SPATA18: variants seen among roughly 807,000 people sequenced by gnomAD.
SPATA18 encodes mitochondria-eating protein.
In SPATA18, 54 loss-of-function variants were observed where a neutral mutation model predicts 68.1. That is an observed-to-expected ratio of 0.79 (90% confidence interval 0.64 to 0.99). The LOEUF is 0.99. SPATA18 is among the 50% of genes least tolerant of loss of function. SPATA18 has a pLI of 0.00. For missense variants in SPATA18, 724 were observed against 681.1 expected (o/e 1.06, Z -0.70); for synonymous variants, 242 against 244.8 (o/e 0.99, Z 0.11).
At chr4:52,085,749 T>A (rs1303131837) in intron 11 of SPATA18, among the ~76,000 whole-genome samples, 1 of 150,906 alleles carries the variant, frequency 6.6e-6, no homozygotes, top group Non-Finnish European at 1.5e-5. Context: ...AACAAAAAAT[T>A]CCCCCCCAAA....
intron 1 of SPATA18, among the ~76,000 whole-genome samples, chr4:52,054,700 G>C (rs139186300): frequency 2.0e-5 from 3 of 151,934 alleles, no homozygotes; most frequent in African/African-American, 7.3e-5. Context: ...CCTATGGTCC[G>C]TGATCTCTTA....
At chr4:52,076,705 G>A in intron 6 of SPATA18, 74 bp from the exon 7 acceptor site, 5 of 1,580,088 alleles carry the variant, frequency 3.2e-6, no homozygotes, top group Non-Finnish European at 4.3e-6. Context: ...GGATTCATTG[G>A]CCACCAGATG....
At chr4:52,081,156 A>G (rs752227761) in intron 9 of SPATA18, among the ~76,000 whole-genome samples, 3 of 152,194 alleles carry the variant, frequency 2.0e-5, no homozygotes, top group Non-Finnish European at 4.4e-5. Flanking sequence ...GGAGAGTGCC[A>G]TTCAGAACCA....
chr4:52,051,939 G>C (rs549959356), intron 1 of SPATA18, 148 bp downstream of exon 1: 2 of 722,100 alleles, frequency 2.8e-6, no homozygotes, highest in African/African-American at 1.7e-5. Context: ...CTTTCGACCG[G>C]GATCGCTGGG....
intron 11 of SPATA18, among the ~76,000 whole-genome samples, chr4:52,091,669 C>T (rs1177955179): frequency 6.6e-6 from 1 of 152,202 alleles, no homozygotes. Context: ...GGGCACCTGC[C>T]AGATGCCAGC....
intron 4 of SPATA18, among the ~76,000 whole-genome samples, chr4:52,065,954 A>G (rs1263405809): frequency 6.6e-6 from 1 of 152,098 alleles, no homozygotes; most frequent in Non-Finnish European, 1.5e-5. Context: ...AATTGAATCT[A>G]TCGCCTAAAC....
In SPATA18 at chr4:52,051,450, C is replaced by A; in HGVS notation, c.-255C>A. ...CAGGGTATCTATGGCCGGGCTCAGG[C>A]GGCTGCTGGGGAGCCAGGAGACCGC... is the stretch of plus-strand genomic sequence containing the variant. On this transcript the variant is annotated 5_prime_UTR_variant, in exon 1 of 13. Transcript: ENST00000295213. The A allele has an allele frequency of 1.9e-6, 1 of 524,972 alleles. No homozygotes were observed. The highest frequency in any genetic ancestry group is 2.8e-5 in the South Asian group (1 of 35,476). 32.5% of individuals were successfully genotyped at this position (524,972 alleles called of 1,614,324 possible). A position where few individuals can be genotyped will look rare whatever the true frequency, so the allele number is the denominator to read the frequency against.
Position 52,082,414 on chromosome 4 carries a change from C to T in SPATA18, c.1383C>T (p.Phe461=), listed in dbSNP as rs371442954. The change falls in exon 10 of 13, where the codon TTC becomes TTT. Residue 461 remains phenylalanine, a synonymous_variant. Coordinates refer to ENST00000295213, the MANE Select transcript of SPATA18 (RefSeq NM_145263.4). ...ACCGCCGCAGCTACGACTCGGATTT[C>T]ACTGCTCCCTTAGTCCTCTATCACG... ...CKYRRSYDSD[F]TAPLVLYHVW... 7 of 1,613,940 alleles carry T rather than the reference C, an allele frequency of 4.3e-6. No individual in the cohort carries two copies. Among genetic ancestry groups the T allele is most frequent in the African/African-American group, 1.3e-5 (1 of 74,910 alleles).
At chr4:52,092,998 A>G (rs1470382238) in intron 11 of SPATA18, among the ~76,000 whole-genome samples, 1 of 152,192 alleles carries the variant, frequency 6.6e-6, no homozygotes, top group Non-Finnish European at 1.5e-5. Flanking sequence ...CAGAGAGTGG[A>G]TGGTGGGAGG....
chr4:52,051,492 G>A lies in SPATA18; in HGVS notation c.-213G>A. On this transcript the variant is annotated 5_prime_UTR_variant, in exon 1 of 13. Transcript: ENST00000295213. The stretch of plus-strand genomic sequence containing the variant: ...GGAGACCGCGCGGGACGGCGGATGA[G>A]GCGCGGCGGCTGCGGCCCAGGGCAC... 1 of 555,072 alleles carries A rather than the reference G, an allele frequency of 1.8e-6. No individual in the cohort carries two copies. The highest frequency in any genetic ancestry group is 3.2e-6 in the Non-Finnish European group (1 of 311,960). 34.4% of individuals were successfully genotyped at this position (555,072 alleles called of 1,614,324 possible).
intron 9 of SPATA18, 136 bp downstream of exon 9, chr4:52,080,055 A>G: frequency 5.5e-6 from 5 of 910,000 alleles, no homozygotes; most frequent in Non-Finnish European, 6.6e-6. Context: ...GCCCTACCAT[A>G]TACTTCTCTG....
intron 4 of SPATA18, among the ~76,000 whole-genome samples, chr4:52,063,341 T>C (rs1400988250): frequency 4.6e-5 from 7 of 152,188 alleles, no homozygotes; most frequent in Non-Finnish European, 8.8e-5. Context: ...GAAAATCACT[T>C]GTTTTCTTGT....
chr4:52,064,480 T>C (rs979574276), intron 4 of SPATA18, among the ~76,000 whole-genome samples: 3 of 152,120 alleles, frequency 2.0e-5, no homozygotes, highest in Non-Finnish European at 4.4e-5. Context: ...CTTAAGCCTT[T>C]GCATCCTCAT....
At chr4:52,061,969 C>T (rs1320579930) in intron 3 of SPATA18, among the ~76,000 whole-genome samples, 1 of 152,024 alleles carries the variant, frequency 6.6e-6, no homozygotes, top group Admixed American at 6.6e-5. Context: ...ATGCATATAC[C>T]TGTGTAAATT....
In SPATA18 at chr4:52,076,645, T is replaced by C. The variant is rs1740372683; in HGVS notation, c.759-134T>C. Reference sequence around the variant, plus strand: ...ATGCTGGAGTCAGATAATAGGGAAGTCTAATCACTTCTGAATTCCTCAGAT... The same window carrying C: ...ATGCTGGAGTCAGATAATAGGGAAGCCTAATCACTTCTGAATTCCTCAGAT... On this transcript the variant is annotated intron_variant, in intron 6 of 12. Transcript: ENST00000295213. The C allele has an allele frequency of 6.8e-6, 8 of 1,169,196 alleles. No homozygotes were observed. In the Admixed American group the frequency reaches 1.9e-4, roughly 28 times the overall value. 72.4% of individuals were successfully genotyped at this position (1,169,196 alleles called of 1,614,324 possible).
intron 6 of SPATA18, among the ~76,000 whole-genome samples, chr4:52,076,550 C>T (rs549086136): frequency 6.2e-4 from 95 of 152,112 alleles, no homozygotes; most frequent in Non-Finnish European, 1.2e-3. Flanking sequence ...TTTTTAAGAA[C>T]GCATGCATTC....
At chr4:52,053,574 A>G (rs1422252674) in intron 1 of SPATA18, among the ~76,000 whole-genome samples, 2 of 152,162 alleles carry the variant, frequency 1.3e-5, no homozygotes, top group Admixed American at 1.3e-4. Flanking sequence ...ACATCTTTCA[A>G]TAGTGAATGC....
chr4:52,079,707 G>C, intron 8 of SPATA18, 37 bp from the exon 9 acceptor site: 1 of 1,605,440 alleles, frequency 6.2e-7, no homozygotes, highest in Non-Finnish European at 8.5e-7. Flanking sequence ...TTTTGTCACA[G>C]GCTGGTAACA....
At chr4:52,082,198 T>A (rs542199917) in intron 9 of SPATA18, among the ~76,000 whole-genome samples, 189 bp from the exon 10 acceptor site, 1 of 122,836 alleles carries the variant, frequency 8.1e-6, no homozygotes, top group Non-Finnish European at 1.9e-5. Flanking sequence ...TCTTAGCATA[T>A]CCGTGCTGGG....
Sources: allele counts gnomAD v4.1 joint callset (sites outside exome capture counted in the v4.1 genomes callset), GRCh38; gene constraint gnomAD v4.1.1; transcripts MANE v1.5; gene names NCBI Gene and HGNC (gene_info 2026-07-23, HGNC 2026-07-21).